GOLM1: variants seen among roughly 807,000 people sequenced by gnomAD.
GOLM1 encodes golgi membrane protein 1.
Under a neutral mutation model 50.5 loss-of-function variants are expected in GOLM1, and 31 were observed. The ratio of observed to expected loss-of-function variants is 0.61; its 90% CI spans 0.46 to 0.83. The LOEUF is 0.83. Among genes scored for constraint, GOLM1 ranks in the 40% least tolerant of loss-of-function variants. The pLI, the probability that GOLM1 is intolerant of heterozygous loss-of-function variation, is 0.00. For synonymous variants in GOLM1, 178 were observed against 192.8 expected, an observed-to-expected ratio of 0.92 and a Z score of 0.64; for missense variants, 491 against 501.3, an observed-to-expected ratio of 0.98 and a Z score of 0.20.
intron 4 of GOLM1, among the ~76,000 whole-genome samples, chr9:86,050,595 G>A (rs2118721615): frequency 6.6e-6 from 1 of 152,292 alleles, no homozygotes; most frequent in East Asian, 1.9e-4. Flanking sequence ...TCTTGGGAGG[G>A]TGTATGTGTC....
intron 1 of GOLM1, 28 bp from the exon 2 acceptor site, chr9:86,079,369 A>C: frequency 6.6e-7 from 1 of 1,523,854 alleles, no homozygotes. Flanking sequence ...ATAAATAAAC[A>C]TCAATACTAG....
chr9:86,027,497 A>ATAT lies in GOLM1; in HGVS notation c.*317_*319dup. 6 of 1,129,756 alleles carry ATAT rather than the reference A, an allele frequency of 5.3e-6. No homozygotes were observed. The highest frequency in any genetic ancestry group is 6.5e-6 in the Non-Finnish European group (6 of 921,160). The allele number at this position is 1,129,756 out of a possible 1,614,324, so 70.0% of individuals were successfully genotyped here. Reference sequence around the variant, plus strand: ...GGTGGCTGTTAATTTACACAAAGTTATATTCCAGAATCAGGAAGCCCCGCT... The same window carrying ATAT: ...GGTGGCTGTTAATTTACACAAAGTTATATTATTCCAGAATCAGGAAGCCCCGCT... On this transcript the variant is annotated 3_prime_UTR_variant, in exon 10 of 10. Transcript: ENST00000388712.
chr9:86,038,451 G>T (rs969170492), intron 6 of GOLM1, among the ~76,000 whole-genome samples: 23 of 152,140 alleles, frequency 1.5e-4, no homozygotes, highest in Admixed American at 2.6e-4. Flanking sequence ...CTGGGGGAAT[G>T]AAACACCCAA....
chr9:86,030,263 C>A (rs1034596440), intron 9 of GOLM1, among the ~76,000 whole-genome samples: 1 of 150,082 alleles, frequency 6.7e-6, no homozygotes, highest in Non-Finnish European at 1.5e-5. Flanking sequence ...AAGACAGTGA[C>A]CAGACCGTGA....
intron 9 of GOLM1, among the ~76,000 whole-genome samples, chr9:86,029,107 T>G (rs1046029646): frequency 6.6e-6 from 1 of 152,164 alleles, no homozygotes; most frequent in Non-Finnish European, 1.5e-5. Flanking sequence ...TCCGCCCGCC[T>G]TGGCCTCCCA....
At chr9:86,066,206 C>T (rs2118806185) in intron 3 of GOLM1, among the ~76,000 whole-genome samples, 1 of 152,286 alleles carries the variant, frequency 6.6e-6, no homozygotes, top group South Asian at 2.1e-4. Context: ...CCATCCCAGG[C>T]TCAGAAGACA....
intron 5 of GOLM1, among the ~76,000 whole-genome samples, chr9:86,044,147 TAGC>T (rs1163395274): frequency 6.6e-6 from 1 of 152,206 alleles, no homozygotes; most frequent in African/African-American, 2.4e-5. Flanking sequence ...TAGATGCCAG[TAGC>T]AGCCTCCTTG....
At chr9:86,053,063 C>A (rs963214710) in intron 3 of GOLM1, among the ~76,000 whole-genome samples, 2 of 147,748 alleles carry the variant, frequency 1.4e-5, no homozygotes, top group Admixed American at 6.7e-5. Context: ...CCAGACCACA[C>A]CACACACCAC....
intron 4 of GOLM1, among the ~76,000 whole-genome samples, chr9:86,050,836 T>G (rs1833723595): frequency 6.6e-6 from 1 of 152,214 alleles, no homozygotes; most frequent in Non-Finnish European, 1.5e-5. Context: ...ATTGATTTTT[T>G]GAAGGGTTTC....
chr9:86,026,222 G>C lies in GOLM1; in HGVS notation c.*1595C>G, dbSNP rs1376368367. 1.0e-6 allele frequency: 1 copy of C among 982,182 alleles called. No homozygotes were observed. Among genetic ancestry groups the C allele is most frequent in the Non-Finnish European group, 1.2e-6 (1 of 827,192 alleles). 60.8% of individuals were successfully genotyped at this position (982,182 alleles called of 1,614,324 possible). On this transcript the variant is annotated 3_prime_UTR_variant, in exon 10 of 10. Transcript: ENST00000388712. ...ACATGAGATGAATAGAGACTTTATT[G>C]AGAAAGCAAGAGAAAATTCCTATCA...
intron 3 of GOLM1, among the ~76,000 whole-genome samples, chr9:86,071,233 G>C (rs959959792): frequency 6.6e-6 from 1 of 152,074 alleles, no homozygotes; most frequent in Non-Finnish European, 1.5e-5. Context: ...GAGTAGCTAG[G>C]ACTACAGGCA....
chr9:86,026,173 A>C lies in GOLM1; in HGVS notation c.*1644T>G. ...AGTTGAACAGAACATTTTATTTCTC[A>C]GCAATTCTATGCGTACAAATTAAAC... On this transcript the variant is annotated 3_prime_UTR_variant, in exon 10 of 10. Transcript: ENST00000388712. The C allele has an allele frequency of 1.0e-6, 1 of 984,148 alleles. No individual in the cohort carries two copies. Among genetic ancestry groups the C allele is most frequent in the African/African-American group, 1.7e-5 (1 of 57,358 alleles). The allele number at this position is 984,148 out of a possible 1,614,324, so 61.0% of individuals were successfully genotyped here.
At chr9:86,076,454 A>AAAG (rs1308426072) in intron 3 of GOLM1, among the ~76,000 whole-genome samples, 2 of 136,662 alleles carry the variant, frequency 1.5e-5, no homozygotes, top group Non-Finnish European at 1.5e-5. Flanking sequence ...AAAAAAAAAA[A>AAAG]GCCAAATTTT....
intron 5 of GOLM1, among the ~76,000 whole-genome samples, chr9:86,044,321 G>A (rs1262234643): frequency 6.6e-6 from 1 of 152,226 alleles, no homozygotes; most frequent in Non-Finnish European, 1.5e-5. Context: ...CCTCTACAGA[G>A]ACGTGTACTT....
chr9:86,045,197 G>C (rs939872952), intron 5 of GOLM1, among the ~76,000 whole-genome samples: 9 of 151,088 alleles, frequency 6.0e-5, no homozygotes, highest in African/African-American at 2.2e-4. Context: ...CAGGGTTTTA[G>C]TAGAAACCCC....
Position 86,052,590 on chromosome 9 carries a change from G to T in GOLM1, c.311C>A (p.Ala104Glu), listed in dbSNP as rs1369249159. 4 of 1,613,384 alleles carry T rather than the reference G, an allele frequency of 2.5e-6. No individual in the cohort carries two copies. The East Asian group carries it at 8.9e-5, about 36-fold the overall frequency. Reference protein sequence around the residue: ...SVNKLYQDEKAVLVNNITTGE... With the variant: ...SVNKLYQDEKEVLVNNITTGE... ...TGTGGTGATGTTATTCACCAAAACC[G>T]CCTGCAACGAAGATAAACTCGCATG... The change falls in exon 4 of 10, where the codon GCG becomes GAG. Residue 104 changes from alanine (A) to glutamate (E), a missense_variant and splice_region_variant. Coordinates refer to ENST00000388712, the MANE Select transcript of GOLM1 (RefSeq NM_016548.4).
At chr9:86,074,762 G>T (rs143936472) in intron 3 of GOLM1, among the ~76,000 whole-genome samples, 1 of 152,182 alleles carries the variant, frequency 6.6e-6, no homozygotes, top group Non-Finnish European at 1.5e-5. Flanking sequence ...ACAGGCTCAG[G>T]AAACGTTCAC....
intron 3 of GOLM1, among the ~76,000 whole-genome samples, chr9:86,069,212 CTTTTTT>C (rs1834385226): frequency 6.6e-6 from 1 of 151,614 alleles, no homozygotes; most frequent in Non-Finnish European, 1.5e-5. Flanking sequence ...GTGAATTTTT[CTTTTTT>C]GTTTTCAAAT....
intron 1 of GOLM1, among the ~76,000 whole-genome samples, chr9:86,098,423 C>T (rs1835417509): frequency 6.6e-6 from 1 of 152,174 alleles, no homozygotes. Context: ...GCCACTCAAG[C>T]GCTGCTAAAT....
Sources: gnomAD v4.1 joint callset for allele counts (sites outside exome capture counted in the v4.1 genomes callset) on GRCh38, gnomAD v4.1.1 for gene constraint, MANE v1.5 for transcripts, NCBI Gene and HGNC (gene_info 2026-07-23, HGNC 2026-07-21) for gene names.